The following LRRTM4 variants were observed in gnomAD, a reference collection of about 807,000 sequenced individuals.
LRRTM4 encodes leucine rich repeat transmembrane neuronal 4.
In LRRTM4, 25 loss-of-function variants were observed where a neutral mutation model predicts 47.6. That is an observed-to-expected ratio of 0.53 (90% CI 0.38 to 0.73). The LOEUF is 0.73. LRRTM4 is among the 30% of genes least tolerant of loss of function. The probability of loss-of-function intolerance (pLI) is 0.00; values close to 1 mark genes in which losing one functional copy is unlikely to be tolerated. For missense variants in LRRTM4, 638 were observed against 713.4 expected (o/e 0.89, Z 1.20); for synonymous variants, 311 against 269.5 (o/e 1.15, Z -1.51).
intron 3 of LRRTM4, among the ~76,000 whole-genome samples, chr2:76,756,162 T>C (rs1673024471): frequency 6.6e-6 from 1 of 152,204 alleles, no homozygotes; most frequent in Non-Finnish European, 1.5e-5. Context: ...TATCACATGA[T>C]AATTGGTAGA....
intron 3 of LRRTM4, among the ~76,000 whole-genome samples, chr2:76,990,505 A>G (rs1008410741): frequency 1.3e-5 from 2 of 151,684 alleles, no homozygotes; most frequent in African/African-American, 4.8e-5. Context: ...ACTACCTTCT[A>G]TCAGATAAAA....
chr2:76,964,466 C>T (rs1454658401), intron 3 of LRRTM4, among the ~76,000 whole-genome samples: 1 of 150,812 alleles, frequency 6.6e-6, no homozygotes, highest in Non-Finnish European at 1.5e-5. Flanking sequence ...GCATCATCCT[C>T]CAACAAAAGT....
At chr2:76,836,087 C>G (rs1002623060) in intron 3 of LRRTM4, among the ~76,000 whole-genome samples, 12 of 151,492 alleles carry the variant, frequency 7.9e-5, no homozygotes, top group African/African-American at 2.9e-4. Flanking sequence ...ACCAATGACT[C>G]TCTTCCTTGC....
chr2:76,811,343 C>T (rs999846367), intron 3 of LRRTM4, among the ~76,000 whole-genome samples: 3 of 152,124 alleles, frequency 2.0e-5, no homozygotes, highest in Non-Finnish European at 2.9e-5. Context: ...GTAGTTGCTA[C>T]AAAGCAGCTT....
chr2:77,475,643 T>A (rs574342329), intron 3 of LRRTM4, among the ~76,000 whole-genome samples: 1 of 151,954 alleles, frequency 6.6e-6, no homozygotes, highest in Admixed American at 6.6e-5. Context: ...GTTTTATATT[T>A]CTATATTGTC....
chr2:77,041,258 C>T (rs183266868), intron 3 of LRRTM4, among the ~76,000 whole-genome samples: 1 of 151,490 alleles, frequency 6.6e-6, no homozygotes, highest in East Asian at 1.9e-4. Context: ...GGATTTCATT[C>T]TTTCTTATGG....
intron 3 of LRRTM4, among the ~76,000 whole-genome samples, chr2:77,148,228 T>C (rs1672310771): frequency 6.6e-6 from 1 of 152,172 alleles, no homozygotes; most frequent in Non-Finnish European, 1.5e-5. Context: ...TGCTGTTGAT[T>C]TCAGCTTGGC....
intron 3 of LRRTM4, among the ~76,000 whole-genome samples, chr2:77,237,905 A>G (rs1431519745): frequency 1.3e-5 from 2 of 152,086 alleles, no homozygotes; most frequent in Non-Finnish European, 2.9e-5. Context: ...ACCACTGGCC[A>G]TGGGGCTGGT....
Position 77,360,559 on chromosome 2 carries a change from TACATA to T in LRRTM4, c.1551+157754_1551+157758del, listed in dbSNP as rs1672170327. Among the ~76,000 whole-genome samples, 5 of 149,298 alleles carry T rather than the reference TACATA, an allele frequency of 3.3e-5. No homozygotes were observed. In the South Asian group the frequency reaches 1.1e-3, roughly 33 times the overall value. On this transcript the variant is annotated intron_variant, in intron 3 of 3. Transcript: ENST00000409884. ...TACAATACAATCATTCATACATACA[TACATA>T]CATACATACATACATACATACATAC...
intron 3 of LRRTM4, among the ~76,000 whole-genome samples, chr2:77,025,498 A>G (rs961899410): frequency 6.6e-6 from 1 of 152,160 alleles, no homozygotes; most frequent in Admixed American, 6.5e-5. Flanking sequence ...TAGAAATGGC[A>G]AAGATTCTTA....
chr2:77,221,337 T>C (rs1674625155), intron 3 of LRRTM4, among the ~76,000 whole-genome samples: 1 of 151,922 alleles, frequency 6.6e-6, no homozygotes, highest in Non-Finnish European at 1.5e-5. Flanking sequence ...CATGACAGGA[T>C]CAAATTCACA....
chr2:77,286,308 C>T (rs142359716), intron 3 of LRRTM4, among the ~76,000 whole-genome samples: 3,432 of 151,916 alleles, frequency 0.023, 144 homozygotes, highest in African/African-American at 0.078. Context: ...TAAACACATA[C>T]AATATAACAT....
At chr2:77,369,802 G>GAATACTGTAGGCAATAGTAACA (rs1267337747) in intron 3 of LRRTM4, among the ~76,000 whole-genome samples, 1 of 151,600 alleles carries the variant, frequency 6.6e-6, no homozygotes, top group Non-Finnish European at 1.5e-5. Flanking sequence ...TTACTATACT[G>GAATACTGTAGGCAATAGTAACA]AATACTGTAG....
At chr2:77,344,804 A>G (rs1458463109) in intron 3 of LRRTM4, among the ~76,000 whole-genome samples, 2 of 151,848 alleles carry the variant, frequency 1.3e-5, no homozygotes, top group East Asian at 3.9e-4. Flanking sequence ...AGTTACTAAC[A>G]TGAGTCAGTC....
intron 3 of LRRTM4, among the ~76,000 whole-genome samples, chr2:77,043,855 T>C (rs1031300303): frequency 8.6e-5 from 13 of 151,652 alleles, no homozygotes; most frequent in African/African-American, 2.9e-4. Flanking sequence ...AATTATAATG[T>C]CTTACAATTA....
chr2:76,762,945 G>A (rs752283464), intron 3 of LRRTM4, among the ~76,000 whole-genome samples: 9 of 152,178 alleles, frequency 5.9e-5, no homozygotes, highest in Non-Finnish European at 8.8e-5. Flanking sequence ...CCCTTGATGG[G>A]TAGAGTTTAT....
Position 77,193,563 on chromosome 2 carries a change from ACTTTGGGAAG to A in LRRTM4, c.1551+324745_1551+324754del, listed in dbSNP as rs556940464. The stretch of plus-strand genomic sequence containing the variant: ...AGTGGCTCACGCCTGTAATCCCAGC[ACTTTGGGAAG>A]CCGAGGCGGGCAGATCACCTGAGAT... On this transcript the variant is annotated intron_variant, in intron 3 of 3. Coordinates refer to ENST00000409884, the MANE Select transcript of LRRTM4 (RefSeq NM_001134745.3). Among the ~76,000 whole-genome samples the A allele has an allele frequency of 2.1e-3, 326 of 152,042 alleles. 2 individuals are homozygous for A. The highest frequency in any genetic ancestry group is 7.4e-3 in the African/African-American group (308 of 41,452).
intron 3 of LRRTM4, among the ~76,000 whole-genome samples, chr2:77,183,586 T>C (rs1174454106): frequency 6.6e-6 from 1 of 152,204 alleles, no homozygotes; most frequent in South Asian, 2.1e-4. Context: ...ACTGGGTATA[T>C]ACCCAAAGGA....
chr2:77,009,159 C>T (rs956677906), intron 3 of LRRTM4: 2 of 152,046 alleles, frequency 1.3e-5, no homozygotes, highest in African/African-American at 4.8e-5. Context: ...GTTTTCAACA[C>T]AAATGGAAAG....
Sources: allele counts gnomAD v4.1 joint callset (sites outside exome capture counted in the v4.1 genomes callset), GRCh38; gene constraint gnomAD v4.1.1; transcripts MANE v1.5; gene names NCBI Gene and HGNC (gene_info 2026-07-23, HGNC 2026-07-21).